GRIPAP1: variants seen among roughly 807,000 people sequenced by gnomAD.
The protein encoded by GRIPAP1 is GRIP1 associated protein 1, also known as GRIP1-associated protein 1.
GRIPAP1 carries 14 observed loss-of-function variants against 84.1 expected under a neutral mutation model. That is an observed-to-expected ratio of 0.17 (90% CI 0.11 to 0.26). The LOEUF (loss-of-function observed/expected upper bound fraction) is 0.26, where lower values mean the gene tolerates loss of function less well. GRIPAP1 is among the 10% of genes least tolerant of loss of function. The pLI is 1.00. For missense variants in GRIPAP1, 518 were observed against 674.2 expected, an observed-to-expected ratio of 0.77 and a Z score of 2.57; for synonymous variants, 261 against 256.8, an observed-to-expected ratio of 1.02 and a Z score of -0.15.
chrX:48,975,876 T>C (rs1273732199), intron 24 of GRIPAP1, 142 bp downstream of exon 24: 2 of 476,747 alleles, frequency 4.2e-6, no homozygotes, highest in African/African-American at 2.4e-5. Context: ...AGTGCTTTCC[T>C]GTTCTCCCCT....
chrX:48,997,218 A>T, intron 5 of GRIPAP1, 32 bp downstream of exon 5: 1 of 821,647 alleles, frequency 1.2e-6, no homozygotes. Context: ...CCTACCCCTC[A>T]TTTCCCCTTT....
chrX:48,998,892 T>G, intron 3 of GRIPAP1: 1 of 226,970 alleles, frequency 4.4e-6, no homozygotes, highest in Non-Finnish European at 7.9e-6. Context: ...AGGACAGAGA[T>G]GGGAAGTAGG....
intron 21 of GRIPAP1, among the ~76,000 whole-genome samples, chrX:48,979,607 G>GATT (rs1174500944): frequency 9.4e-6 from 1 of 105,903 alleles, no homozygotes. Flanking sequence ...CGTTTCCCAA[G>GATT]ATTATTATTA....
At chrX:48,998,072 C>A (rs782487659) in intron 4 of GRIPAP1, 82 bp downstream of exon 4, 1 of 701,944 alleles carries the variant, frequency 1.4e-6, no homozygotes, top group African/African-American at 2.1e-5. Flanking sequence ...GAAAGAAAGG[C>A]CAGTACAAGG....
intron 13 of GRIPAP1, among the ~76,000 whole-genome samples, chrX:48,987,439 G>GC (rs2064496269): frequency 1.1e-5 from 1 of 89,838 alleles, no homozygotes; most frequent in African/African-American, 4.2e-5. Flanking sequence ...GAGCCACCAC[G>GC]CCCTTTTTTT....
chrX:48,992,067 G>A (rs2064523529), intron 6 of GRIPAP1, among the ~76,000 whole-genome samples: 2 of 111,388 alleles, frequency 1.8e-5, no homozygotes, highest in African/African-American at 3.3e-5. Context: ...GTACAGTGGT[G>A]TGATCTCGGC....
At chrX:48,975,949 G>C (rs2064420126) in intron 24 of GRIPAP1, 69 bp downstream of exon 24, 11 of 899,441 alleles carry the variant, frequency 1.2e-5, no homozygotes, top group African/African-American at 1.9e-5. Flanking sequence ...AGAAGCCGCA[G>C]CACAGAATGG....
intron 17 of GRIPAP1, 61 bp from the exon 18 acceptor site, chrX:48,981,933 G>A (rs1317147517): frequency 8.3e-6 from 7 of 845,052 alleles, no homozygotes; most frequent in African/African-American, 8.0e-5. Flanking sequence ...CCAGTTAGGG[G>A]TATGAGGGAC....
chrX:48,981,905 C>G (rs1429614260), intron 17 of GRIPAP1, 33 bp from the exon 18 acceptor site: 2 of 1,029,506 alleles, frequency 1.9e-6, no homozygotes, highest in Non-Finnish European at 2.6e-6. Flanking sequence ...GGCCACAGCC[C>G]CCCAGAAGGT....
intron 5 of GRIPAP1, 65 bp from the exon 6 acceptor site, chrX:48,993,643 T>A (rs2064531691): frequency 1.2e-6 from 1 of 863,580 alleles, no homozygotes; most frequent in South Asian, 3.1e-5. Context: ...GAAACCTACA[T>A]AGCATTTGTC....
chrX:48,994,526 C>T (rs2147747367), intron 5 of GRIPAP1, among the ~76,000 whole-genome samples: 1 of 111,579 alleles, frequency 9.0e-6, no homozygotes, highest in South Asian at 3.7e-4. Context: ...ACCCGGCCTG[C>T]TTGCAATATT....
At chrX:48,989,576 C>G in intron 11 of GRIPAP1, 35 bp downstream of exon 11, 1 of 949,965 alleles carries the variant, frequency 1.1e-6, no homozygotes, top group South Asian at 2.0e-5. Flanking sequence ...GTCCTGGCCC[C>G]TACCCCAGGG....
intron 12 of GRIPAP1, 76 bp from the exon 13 acceptor site, chrX:48,987,953 GGACACA>G (rs2064500257): frequency 3.1e-6 from 1 of 319,021 alleles, no homozygotes. Context: ...AAGAAAGAAA[GGACACA>G]CACACACACA....
In GRIPAP1 at chrX:48,985,280, G is replaced by T. The variant is rs782246592; in HGVS notation, c.1164C>A (p.Asn388Lys). 34 of 1,208,785 alleles carry T rather than the reference G, an allele frequency of 2.8e-5. No homozygotes were observed. The highest frequency in any genetic ancestry group is 3.6e-5 in the Non-Finnish European group (32 of 892,991). Residue 388 changes from asparagine to lysine, a missense_variant, in exon 14 of 26, where the codon AAC becomes AAA. By Grantham distance (94) the Asn-to-Lys change is moderately conservative (BLOSUM62 0). This residue lies in a region of GRIPAP1 where 372 missense variants were observed against 458.1 expected (regional missense o/e 0.81). Coordinates refer to ENST00000376423, the MANE Select transcript of GRIPAP1 (RefSeq NM_020137.5). Reference sequence around the variant, plus strand: ...CCAAAGGTGTTACCTGGAGCTGGGAGTTGAGGTCATCTTTCTGTCCCATAA... The same window carrying T: ...CCAAAGGTGTTACCTGGAGCTGGGATTTGAGGTCATCTTTCTGTCCCATAA... ...EDLMGQKDDL[N>K]SQLQESLRAN...
rs1180847647 is a variant in GRIPAP1, at chrX:48,987,146, CT to C, written c.1041+638del. Among the ~76,000 whole-genome samples the C allele has an allele frequency of 2.5e-3, 184 of 72,558 alleles. 1 individual carries two copies. Among genetic ancestry groups the C allele is most frequent in the Middle Eastern group, 0.01 (1 of 99 alleles). The allele number at this position is 72,558 out of a possible 115,157, so 63.0% of individuals were successfully genotyped here. On this transcript the variant is annotated intron_variant, in intron 13 of 25. Transcript: ENST00000376423. ...TACAGAATTGAGCCACCATGCCCGG[CT>C]TTTTTTTTTTTTTTTTTTTTAGACG...
chrX:48,999,086 G>T, intron 3 of GRIPAP1, 152 bp downstream of exon 3: 2 of 388,003 alleles, frequency 5.2e-6, no homozygotes, highest in Non-Finnish European at 8.9e-6. Flanking sequence ...CAACTAAAGA[G>T]AATTCCATTG....
intron 8 of GRIPAP1, among the ~76,000 whole-genome samples, chrX:48,990,265 G>C (rs1203635761): frequency 9.0e-6 from 1 of 111,487 alleles, no homozygotes; most frequent in African/African-American, 3.3e-5. Context: ...GATCCTTCAG[G>C]TTCCAAAGCC....
In GRIPAP1 at chrX:48,986,790, C is replaced by T. The variant is rs900493783; in HGVS notation, c.1041+995G>A. ...AGGTGATCCGCCCACCTCTGCCTCCCAAAGTGCTGGGATTACAGGTGTGAG... is the reference window on the plus strand; with the variant it reads ...AGGTGATCCGCCCACCTCTGCCTCCTAAAGTGCTGGGATTACAGGTGTGAG... On this transcript the variant is annotated intron_variant, in intron 13 of 25. Coordinates refer to ENST00000376423, the MANE Select transcript of GRIPAP1 (RefSeq NM_020137.5). Among the ~76,000 whole-genome samples the T allele has an allele frequency of 2.7e-5, 3 of 112,449 alleles. No homozygotes were observed. The East Asian group carries it at 8.4e-4, about 31-fold the overall frequency.
chrX:48,985,194 T>C, intron 14 of GRIPAP1, 74 bp downstream of exon 14: 1 of 966,215 alleles, frequency 1.0e-6, no homozygotes, highest in Non-Finnish European at 1.5e-6. Flanking sequence ...GTCTTCCCAC[T>C]CCACCTTACT....
Sources: allele counts gnomAD v4.1 joint callset (sites outside exome capture counted in the v4.1 genomes callset), GRCh38; gene constraint gnomAD v4.1.1; regional missense constraint gnomAD v4.1.1; transcripts MANE v1.5; gene names NCBI Gene and HGNC (gene_info 2026-07-23, HGNC 2026-07-21).